The following VPS13D variants were observed in gnomAD, a reference collection of about 807,000 sequenced individuals.
VPS13D encodes the protein vacuolar protein sorting 13 homolog D.
A neutral mutation model predicts 461.9 loss-of-function variants in VPS13D; 187 were observed. The observed-to-expected ratio is 0.40, with a 90% confidence interval of 0.36 to 0.46. The LOEUF is 0.46. Ranked by LOEUF, VPS13D falls within the 20% of genes least tolerant of loss-of-function variation. The probability of loss-of-function intolerance (pLI) is 0.60; values close to 1 mark genes in which losing one functional copy is unlikely to be tolerated. For missense variants in VPS13D, 4,711 were observed against 5,364.9 expected, an observed-to-expected ratio of 0.88 and a Z score of 3.81; for synonymous variants, 1,951 against 1,986.3, an observed-to-expected ratio of 0.98 and a Z score of 0.47.
chr1:12,241,596 A>C (rs1351005358), intron 2 of VPS13D, among the ~76,000 whole-genome samples: 1 of 152,188 alleles, frequency 6.6e-6, no homozygotes, highest in African/African-American at 2.4e-5. Flanking sequence ...CGGGAGAGTG[A>C]TGGATCTAGC....
chr1:12,304,555 G>T lies in VPS13D; in HGVS notation c.6266G>T (p.Arg2089Met). 4 of 1,614,116 alleles carry T rather than the reference G, an allele frequency of 2.5e-6. No individual in the cohort carries two copies. The highest frequency in any genetic ancestry group is 1.7e-4 in the Middle Eastern group (1 of 6,060). Residue 2089 changes from arginine to methionine, a missense_variant, in exon 26 of 70, where the codon AGG becomes ATG. Physicochemically the swap from Arg to Met is moderately conservative, Grantham distance 91. Around this residue, in one of 3 missense-constraint regions of VPS13D, gnomAD observed 4,411 missense variants for 4,937.8 expected, o/e 0.89. Transcript: ENST00000620676. ...SPTGIPKHSL[R>M]KTTSTEEPRG... ...ACGGGTATTCCCAAACACAGTCTGA[G>T]GAAAACGACAAGCACGGAGGAGCCC... is the stretch of plus-strand genomic sequence containing the variant.
chr1:12,504,251 A>T (rs1646074643), intron 68 of VPS13D, among the ~76,000 whole-genome samples: 1 of 152,186 alleles, frequency 6.6e-6, no homozygotes, highest in South Asian at 2.1e-4. Flanking sequence ...GATGATGGGG[A>T]CAGAGCTGTG....
intron 1 of VPS13D, 108 bp downstream of exon 1, chr1:12,230,228 GC>G (rs1176049776): frequency 6.6e-6 from 1 of 152,292 alleles, no homozygotes; most frequent in East Asian, 1.9e-4. Context: ...GGGGGCCCGG[GC>G]CCACCCTGGG....
rs201321059 is a variant in VPS13D at position 12,327,719 on chromosome 1, A to G, written c.8062A>G (p.Thr2688Ala). 1 of 1,613,692 alleles carries G rather than the reference A, an allele frequency of 6.2e-7. No homozygotes were observed. The highest frequency in any genetic ancestry group is 8.5e-7 in the Non-Finnish European group (1 of 1,179,938). The change falls in exon 36 of 70, where the codon ACC (threonine) becomes GCC (alanine). Residue 2688 changes from threonine (T) to alanine (A), a missense_variant. This residue lies in a region of VPS13D where 4,411 missense variants were observed against 4,937.8 expected (regional missense o/e 0.89). Coordinates refer to ENST00000620676, the MANE Select transcript of VPS13D (RefSeq NM_015378.4). Reference protein sequence around the residue: ...EPLKSLSLASTSRDSPGAVAA... With the variant: ...EPLKSLSLASASRDSPGAVAA... Reference sequence around the variant, plus strand: ...TCTGAAGTCTCTTTCCTTGGCCTCCACCAGCCGAGATAGCCCAGGGGCTGT... The same window carrying G: ...TCTGAAGTCTCTTTCCTTGGCCTCCGCCAGCCGAGATAGCCCAGGGGCTGT...
chr1:12,288,243 G>C lies in VPS13D; in HGVS notation c.5655G>C (p.Val1885=). ...LDLKVHSLSL[V]LNKTTSELAK... ...CCTAGGTTCATTCACTTTCTCTAGT[G>C]CTGAATAAGACCACCAGTGAGCTTG... The change falls in exon 22 of 70, where the codon GTG becomes GTC. Residue 1885 remains valine (V), a synonymous_variant. Transcript: ENST00000620676. 1 of 1,613,828 alleles carries C rather than the reference G, an allele frequency of 6.2e-7. No homozygotes were observed. Among genetic ancestry groups the C allele is most frequent in the African/African-American group, 1.3e-5 (1 of 75,042 alleles).
At chr1:12,382,055 CCTTTCTTCT>C (rs1402283504) in intron 57 of VPS13D, among the ~76,000 whole-genome samples, 3 of 144,076 alleles carry the variant, frequency 2.1e-5, no homozygotes, top group Admixed American at 7.1e-5. Flanking sequence ...TTCTTTCTTC[CCTTTCTTCT>C]CTCTCTTTCT....
intron 67 of VPS13D, chr1:12,478,547 C>T: frequency 3.1e-6 from 1 of 324,240 alleles, no homozygotes; most frequent in South Asian, 2.7e-5. Flanking sequence ...TCCTGTTTAA[C>T]CCTCTCACAC....
At chr1:12,357,533 A>G (rs1643896437) in intron 49 of VPS13D, among the ~76,000 whole-genome samples, 1 of 152,202 alleles carries the variant, frequency 6.6e-6, no homozygotes, top group Non-Finnish European at 1.5e-5. Flanking sequence ...CACCATCCCA[A>G]TGGTTTAGGC....
chr1:12,480,953 C>T (rs142707407), intron 67 of VPS13D, among the ~76,000 whole-genome samples: 1 of 152,322 alleles, frequency 6.6e-6, no homozygotes, highest in Non-Finnish European at 1.5e-5. Context: ...CCTTTGTCAA[C>T]TTCAAGTTTG....
chr1:12,247,055 G>GT (rs1280696271), intron 5 of VPS13D, among the ~76,000 whole-genome samples: 1 of 152,144 alleles, frequency 6.6e-6, no homozygotes, highest in African/African-American at 2.4e-5. Flanking sequence ...CTACCAAACT[G>GT]TTTTCCAAAG....
In VPS13D at chr1:12,244,225, AG is replaced by A; in HGVS notation, c.176-20del. On this transcript the variant is annotated intron_variant, in intron 3 of 69. Transcript: ENST00000620676. Reference sequence around the variant, plus strand: ...TAAAAATGTGTACAGATGGTGAACAAGACTTTCCTTCTCCTTCCAGGCTTCA... The same window carrying A: ...TAAAAATGTGTACAGATGGTGAACAAACTTTCCTTCTCCTTCCAGGCTTCA... The A allele has an allele frequency of 6.3e-7, 1 of 1,595,966 alleles. No individual in the cohort carries two copies. The highest frequency in any genetic ancestry group is 8.5e-7 in the Non-Finnish European group (1 of 1,173,404).
chr1:12,323,686 T>G lies in VPS13D; in HGVS notation c.7916-20T>G. 6.2e-7 allele frequency: 1 copy of G among 1,607,260 alleles called. No individual in the cohort carries two copies. ...TTACATAAAATTATTTATGAAAATTTTATGCTATTTGTTTCCTAGAGTTAC... is the reference window on the plus strand; with the variant it reads ...TTACATAAAATTATTTATGAAAATTGTATGCTATTTGTTTCCTAGAGTTAC... On this transcript the variant is annotated intron_variant, in intron 34 of 69. Transcript: ENST00000620676.
At chr1:12,364,457 T>C (rs536632857) in intron 52 of VPS13D, among the ~76,000 whole-genome samples, 1 of 152,374 alleles carries the variant, frequency 6.6e-6, no homozygotes, top group African/African-American at 2.4e-5. Context: ...TAGGTTCGCA[T>C]ATGGGTTCAA....
intron 25 of VPS13D, among the ~76,000 whole-genome samples, chr1:12,302,557 T>C (rs952000483): frequency 1.3e-5 from 2 of 152,216 alleles, no homozygotes; most frequent in Non-Finnish European, 2.9e-5. Context: ...TCCCTGTATT[T>C]GTTTTTGAGG....
At chr1:12,346,546 T>C in intron 43 of VPS13D, 59 bp from the exon 44 acceptor site, 1 of 1,563,048 alleles carries the variant, frequency 6.4e-7, no homozygotes, top group Non-Finnish European at 8.7e-7. Flanking sequence ...TGTCATTGAA[T>C]TTAACGTTGC....
Position 12,378,440 on chromosome 1 carries a change from C to T in VPS13D, c.10930C>T (p.Arg3644Cys). Residue 3644 changes from arginine to cysteine, a missense_variant, in exon 56 of 70, where the codon CGT becomes TGT. Coordinates refer to ENST00000620676, the MANE Select transcript of VPS13D (RefSeq NM_015378.4). ...VILKKKEPGK[R>C]SQLWRMTGTG... is the part of the protein sequence containing the mutation. ...ACCTACTTAACAGGAACCAGGAAAG[C>T]GTTCTCAGCTGTGGAGGATGACAGG... The T allele has an allele frequency of 6.2e-7, 1 of 1,601,230 alleles. No individual in the cohort carries two copies. Among genetic ancestry groups the T allele is most frequent in the Non-Finnish European group, 8.5e-7 (1 of 1,175,156 alleles).
intron 65 of VPS13D, among the ~76,000 whole-genome samples, chr1:12,424,890 A>T (rs1214032387): frequency 6.6e-6 from 1 of 152,212 alleles, no homozygotes; most frequent in Non-Finnish European, 1.5e-5. Flanking sequence ...TTGAAAAGAC[A>T]GAAAATATTT....
In VPS13D at chr1:12,293,079, A is replaced by G. The variant is rs187973647; in HGVS notation, c.5853-445A>G. 6.1e-4 allele frequency among the ~76,000 whole-genome samples: 93 copies of G among 152,362 alleles called. 1 individual carries two copies. Among genetic ancestry groups the G allele is most frequent in the Middle Eastern group, 6.8e-3 (2 of 294 alleles). ...TCCAGAACTCTTTGACTTACATTTG[A>G]CTAAGTAAAAAGATGTCTTTCTGCC... On this transcript the variant is annotated intron_variant, in intron 23 of 69. Coordinates refer to ENST00000620676, the MANE Select transcript of VPS13D (RefSeq NM_015378.4).
intron 67 of VPS13D, among the ~76,000 whole-genome samples, chr1:12,494,625 T>C (rs1645931659): frequency 6.6e-6 from 1 of 152,242 alleles, no homozygotes; most frequent in Admixed American, 6.5e-5. Context: ...TTCTCCTGCC[T>C]GGTAGCATGT....
Sources: gnomAD v4.1 joint callset for allele counts (sites outside exome capture counted in the v4.1 genomes callset) on GRCh38, gnomAD v4.1.1 for gene constraint, gnomAD v4.1.1 regional missense constraint, MANE v1.5 for transcripts, NCBI Gene and HGNC (gene_info 2026-07-23, HGNC 2026-07-21) for gene names.